Variants in AGBL4 observed in about 807,000 individuals in gnomAD.
AGBL4 encodes the protein cytosolic carboxypeptidase 6.
A neutral mutation model predicts 66.4 loss-of-function variants in AGBL4; 58 were observed. The ratio of observed to expected loss-of-function variants is 0.87; its 90% CI spans 0.71 to 1.09. The LOEUF is 1.09. Ranked by LOEUF, AGBL4 falls within the 50% of genes least tolerant of loss-of-function variation. AGBL4 has a pLI of 0.00. For synonymous variants in AGBL4, 234 were observed against 222.9 expected (o/e 1.05, Z -0.44); for missense variants, 579 against 631.0 (o/e 0.92, Z 0.88).
chr1:49,295,335 C>G (rs978597532), intron 3 of AGBL4, among the ~76,000 whole-genome samples: 2 of 152,124 alleles, frequency 1.3e-5, no homozygotes, highest in Non-Finnish European at 2.9e-5. Flanking sequence ...CAAAGTGGAG[C>G]CTCTGGGATC....
In AGBL4 at chr1:49,915,672, G is replaced by A. The variant is rs529414605; in HGVS notation, c.35-64154C>T. ...CACCTCTTGGGGCAAGGGCATAGCC[G>A]AACAAAAGGCAGCAGAAACCTCTGC... On this transcript the variant is annotated intron_variant, in intron 1 of 13. Coordinates refer to ENST00000371839, the MANE Select transcript of AGBL4 (RefSeq NM_032785.4). Among the ~76,000 whole-genome samples the A allele has an allele frequency of 1.2e-4, 18 of 152,300 alleles. 1 individual carries two copies. Among genetic ancestry groups the A allele is most frequent in the South Asian group, 4.1e-4 (2 of 4,824 alleles).
At chr1:48,952,958 A>G (rs1240616375) in intron 5 of AGBL4, among the ~76,000 whole-genome samples, 4 of 152,172 alleles carry the variant, frequency 2.6e-5, no homozygotes, top group Admixed American at 2.6e-4. Flanking sequence ...CCAGGAAGCC[A>G]AAATACTGAA....
intron 5 of AGBL4, among the ~76,000 whole-genome samples, chr1:48,878,938 C>G (rs1214686823): frequency 6.6e-6 from 1 of 152,090 alleles, no homozygotes; most frequent in African/African-American, 2.4e-5. Flanking sequence ...GACTGTCTCT[C>G]AAGGAAGCTC....
intron 1 of AGBL4, among the ~76,000 whole-genome samples, chr1:50,013,518 T>C (rs1171728085): frequency 6.6e-6 from 1 of 152,226 alleles, no homozygotes; most frequent in Non-Finnish European, 1.5e-5. Flanking sequence ...TCTAGTCTTT[T>C]ATAGGAAAGT....
chr1:49,579,853 T>A (rs1286278317), intron 3 of AGBL4, among the ~76,000 whole-genome samples: 2 of 152,186 alleles, frequency 1.3e-5, no homozygotes, highest in East Asian at 3.9e-4. Context: ...CCAATTTAAG[T>A]CCAGTGTGTC....
chr1:49,128,291 ATAT>A (rs1209815956), intron 4 of AGBL4, among the ~76,000 whole-genome samples: 1 of 152,020 alleles, frequency 6.6e-6, no homozygotes, highest in African/African-American at 2.4e-5. Flanking sequence ...GGAAGGTTAA[ATAT>A]TATTATGCTA....
intron 3 of AGBL4, among the ~76,000 whole-genome samples, chr1:49,467,580 T>A (rs1441413550): frequency 3.3e-5 from 5 of 151,944 alleles, no homozygotes; most frequent in Non-Finnish European, 5.9e-5. Context: ...TACTGTGTGA[T>A]CTATGGCCTG....
chr1:49,509,483 G>C (rs1374623868), intron 3 of AGBL4, among the ~76,000 whole-genome samples: 1 of 151,776 alleles, frequency 6.6e-6, no homozygotes, highest in East Asian at 1.9e-4. Context: ...ATAAAAACAT[G>C]TGTCTCTTAT....
chr1:49,770,660 T>G (rs1004779832), intron 2 of AGBL4, among the ~76,000 whole-genome samples: 1 of 152,196 alleles, frequency 6.6e-6, no homozygotes, highest in East Asian at 1.9e-4. Context: ...TTTTTTTTCA[T>G]CAAGATGTTT....
At chr1:49,403,109 GA>G (rs1417942964) in intron 3 of AGBL4, among the ~76,000 whole-genome samples, 88 of 152,178 alleles carry the variant, frequency 5.8e-4, no homozygotes, top group Non-Finnish European at 1.2e-4. Context: ...TATTGTATTG[GA>G]AAAAATCTTT....
chr1:48,926,492 T>A (rs1654584586), intron 5 of AGBL4, among the ~76,000 whole-genome samples: 1 of 151,626 alleles, frequency 6.6e-6, no homozygotes, highest in Admixed American at 6.6e-5. Context: ...TTTCACCATG[T>A]TGGCCAGGCT....
intron 6 of AGBL4, among the ~76,000 whole-genome samples, chr1:48,701,738 G>C (rs574124253): frequency 1.3e-5 from 2 of 152,298 alleles, no homozygotes; most frequent in South Asian, 4.1e-4. Context: ...GGTGTGTTTT[G>C]TGCATTCACC....
At chr1:49,804,459 A>G (rs1644932627) in intron 2 of AGBL4, among the ~76,000 whole-genome samples, 1 of 152,220 alleles carries the variant, frequency 6.6e-6, no homozygotes, top group East Asian at 1.9e-4. Flanking sequence ...AGTACATTAA[A>G]ATTATTTACT....
rs568235393 is a variant in AGBL4 at position 49,755,106 on chromosome 1, G to A, written c.158-57669C>T. On this transcript the variant is annotated intron_variant, in intron 2 of 13. Transcript: ENST00000371839. ...GACTAAGGTTTAAACAAATGCCTGG[G>A]TACCAGGGCCTAGCCAAGTTGAGAC... is the stretch of plus-strand genomic sequence containing the variant. Among the ~76,000 whole-genome samples the A allele has an allele frequency of 2.6e-5, 4 of 152,230 alleles. No homozygotes were observed. The South Asian group carries it at 6.2e-4, about 24-fold the overall frequency.
rs147491822 is a variant in AGBL4, at chr1:48,550,614, G to A, written c.1268-10876C>T. The stretch of plus-strand genomic sequence containing the variant: ...TGATAGGTTCTAGGGATCAGGAACC[G>A]AATGTCTTTGGGGGTCATTATTCAG... On this transcript the variant is annotated intron_variant, in intron 11 of 13. Transcript: ENST00000371839. Among the ~76,000 whole-genome samples the A allele has an allele frequency of 1.2e-4, 18 of 152,194 alleles. No individual in the cohort carries two copies. In the East Asian group the frequency reaches 3.1e-3, roughly 26 times the overall value.
intron 5 of AGBL4, among the ~76,000 whole-genome samples, chr1:48,970,727 T>C (rs1034080405): frequency 1.1e-4 from 16 of 152,102 alleles, no homozygotes; most frequent in Admixed American, 1.0e-3. Flanking sequence ...CTATTTGGAG[T>C]AGCCTAACAA....
chr1:49,771,278 T>C (rs537820201), intron 2 of AGBL4, among the ~76,000 whole-genome samples: 3 of 152,146 alleles, frequency 2.0e-5, no homozygotes, highest in Non-Finnish European at 2.9e-5. Flanking sequence ...TGGAGGCACG[T>C]TGTTTAATTT....
chr1:49,709,273 G>T (rs1036303657), intron 2 of AGBL4, among the ~76,000 whole-genome samples: 2 of 152,222 alleles, frequency 1.3e-5, no homozygotes, highest in African/African-American at 2.4e-5. Context: ...GAGGAATCTA[G>T]AGAGGCAGTC....
intron 3 of AGBL4, among the ~76,000 whole-genome samples, chr1:49,347,169 C>T (rs1472742100): frequency 1.3e-5 from 2 of 151,834 alleles, no homozygotes; most frequent in African/African-American, 2.4e-5. Context: ...AGCATTGTAC[C>T]TAAGGTTGAT....
Sources: allele counts gnomAD v4.1 joint callset (sites outside exome capture counted in the v4.1 genomes callset), GRCh38; gene constraint gnomAD v4.1.1; transcripts MANE v1.5; gene names NCBI Gene and HGNC (gene_info 2026-07-23, HGNC 2026-07-21).